GRM8: variants seen among roughly 807,000 people sequenced by gnomAD.
The protein encoded by GRM8 is glutamate metabotropic receptor 8.
Under a neutral mutation model 87.2 loss-of-function variants are expected in GRM8, and 47 were observed. The ratio of observed to expected loss-of-function variants is 0.54; its 90% CI spans 0.43 to 0.69. The LOEUF (loss-of-function observed/expected upper bound fraction) is 0.69. GRM8 is among the 30% of genes least tolerant of loss of function. GRM8 has a pLI of 0.00. For missense variants in GRM8, 1,019 were observed against 1,139.2 expected (o/e 0.89, Z 1.52); for synonymous variants, 396 against 404.5 (o/e 0.98, Z 0.25).
chr7:127,201,864 GA>G (rs1795629383), intron 2 of GRM8, among the ~76,000 whole-genome samples: 1 of 152,150 alleles, frequency 6.6e-6, no homozygotes, highest in Non-Finnish European at 1.5e-5. Context: ...GAATAAGTGG[GA>G]AAAACCATTG....
At chr7:126,944,500 C>T (rs1807316915) in intron 3 of GRM8, among the ~76,000 whole-genome samples, 1 of 152,114 alleles carries the variant, frequency 6.6e-6, no homozygotes, top group South Asian at 2.1e-4. Flanking sequence ...GGGGCTGAAG[C>T]AAAGCTTAGT....
At chr7:126,505,388 G>A (rs1378178593) in intron 9 of GRM8, among the ~76,000 whole-genome samples, 2 of 151,882 alleles carry the variant, frequency 1.3e-5, no homozygotes, top group Non-Finnish European at 2.9e-5. Flanking sequence ...TAAGTGTTTT[G>A]CCCCCATTTA....
Position 126,532,996 on chromosome 7 carries a change from C to A in GRM8, c.2386G>T (p.Ala796Ser). Residue 796 changes from alanine (A) to serine (S), a missense_variant, in exon 9 of 11, where the codon GCT becomes TCT. Coordinates refer to ENST00000339582, the MANE Select transcript of GRM8 (RefSeq NM_000845.3). ...TMYTTCIIWL[A>S]FIPIFFGTAQ... Reference sequence around the variant, plus strand: ...GTACCAAAAAAGATGGGGATGAAAGCTAACCAAATGATGCAGGTGGTATAC... The same window carrying A: ...GTACCAAAAAAGATGGGGATGAAAGATAACCAAATGATGCAGGTGGTATAC... The A allele has an allele frequency of 6.2e-7, 1 of 1,613,220 alleles. No individual in the cohort carries two copies. The highest frequency in any genetic ancestry group is 8.5e-7 in the Non-Finnish European group (1 of 1,179,668).
chr7:127,120,009 C>T, intron 2 of GRM8, among the ~76,000 whole-genome samples: 1 of 152,152 alleles, frequency 6.6e-6, no homozygotes. Flanking sequence ...CTTAAGTGTC[C>T]AACAGGTATC....
At chr7:126,661,665 A>T (rs1307617264) in intron 7 of GRM8, among the ~76,000 whole-genome samples, 1 of 152,150 alleles carries the variant, frequency 6.6e-6, no homozygotes, top group East Asian at 1.9e-4. Flanking sequence ...ACTGTCGCAA[A>T]TGGGCTGTGG....
At chr7:126,595,334 G>A (rs1244924803) in intron 8 of GRM8, among the ~76,000 whole-genome samples, 1 of 150,992 alleles carries the variant, frequency 6.6e-6, no homozygotes, top group African/African-American at 2.4e-5. Flanking sequence ...CCAGTAGCTG[G>A]GACTACAGGC....
At chr7:126,777,725 A>C (rs1356314343) in intron 6 of GRM8, among the ~76,000 whole-genome samples, 1 of 152,208 alleles carries the variant, frequency 6.6e-6, no homozygotes, top group African/African-American at 2.4e-5. Flanking sequence ...GCCAATACTT[A>C]TATTGAACTA....
chr7:126,459,336 G>A (rs1285556903), intron 9 of GRM8, among the ~76,000 whole-genome samples: 1 of 151,222 alleles, frequency 6.6e-6, no homozygotes, highest in East Asian at 2.0e-4. Context: ...GGTAGTACGT[G>A]ACTGACAGAA....
intron 8 of GRM8, among the ~76,000 whole-genome samples, chr7:126,582,091 T>G (rs1207897744): frequency 6.6e-6 from 1 of 152,174 alleles, no homozygotes; most frequent in Non-Finnish European, 1.5e-5. Flanking sequence ...GGAAGGTATA[T>G]CAAAAGCTGA....
chr7:127,097,909 C>G (rs1280327489), intron 3 of GRM8, among the ~76,000 whole-genome samples: 1 of 152,206 alleles, frequency 6.6e-6, no homozygotes, highest in Admixed American at 6.5e-5. Context: ...ATGCTGTTTG[C>G]TGTTTCATAT....
intron 9 of GRM8, among the ~76,000 whole-genome samples, chr7:126,505,406 C>G (rs1223424150): frequency 1.3e-5 from 2 of 152,026 alleles, no homozygotes; most frequent in Non-Finnish European, 2.9e-5. Flanking sequence ...TTACACATCC[C>G]CAATCTAAAA....
chr7:126,678,444 G>T (rs947137333), intron 7 of GRM8, among the ~76,000 whole-genome samples: 1 of 152,198 alleles, frequency 6.6e-6, no homozygotes, highest in Non-Finnish European at 1.5e-5. Flanking sequence ...TGTTATATTT[G>T]TGTGAAGTTG....
At chr7:127,076,347 C>A (rs1204273463) in intron 3 of GRM8, 1 of 358,920 alleles carries the variant, frequency 2.8e-6, no homozygotes, top group Admixed American at 3.5e-5. Flanking sequence ...GAGAGCACAG[C>A]AAACACTCAG....
chr7:126,701,589 C>T (rs1335458169), intron 7 of GRM8, among the ~76,000 whole-genome samples: 1 of 152,128 alleles, frequency 6.6e-6, no homozygotes. Context: ...CTTAAAATGA[C>T]ATTGGAAAAC....
At chr7:127,178,974 C>G (rs983971321) in intron 2 of GRM8, among the ~76,000 whole-genome samples, 3 of 152,062 alleles carry the variant, frequency 2.0e-5, no homozygotes, top group African/African-American at 7.2e-5. Flanking sequence ...AGCATACAGG[C>G]AATAAAGAGC....
In GRM8 at chr7:126,439,548, C is replaced by G. The variant is rs951076767; in HGVS notation, c.2678-380G>C. Among the ~76,000 whole-genome samples the G allele has an allele frequency of 1.2e-4, 19 of 152,244 alleles. 2 individuals carry two copies. The South Asian group carries it at 2.5e-3, about 20-fold the overall frequency. ...ATACAATTATATACAGTACATAGTA[C>G]TTGATAATGATAACAAATGACTATG... is the stretch of plus-strand genomic sequence containing the variant. On this transcript the variant is annotated intron_variant, in intron 10 of 10. Coordinates refer to ENST00000339582, the MANE Select transcript of GRM8 (RefSeq NM_000845.3).
At chr7:127,084,671 T>G (rs527876292) in intron 3 of GRM8, 13 of 152,124 alleles carry the variant, frequency 8.5e-5, no homozygotes, top group Non-Finnish European at 1.8e-4. Flanking sequence ...AGGGAGACAG[T>G]GATTCTAAGC....
At chr7:126,496,975 T>TTC (rs1051737245) in intron 9 of GRM8, among the ~76,000 whole-genome samples, 1 of 151,614 alleles carries the variant, frequency 6.6e-6, no homozygotes, top group Non-Finnish European at 1.5e-5. Flanking sequence ...TTTGGATTTT[T>TTC]TTTTTTTTTT....
chr7:126,761,052 A>G (rs1817536091), intron 7 of GRM8, among the ~76,000 whole-genome samples: 1 of 152,108 alleles, frequency 6.6e-6, no homozygotes. Context: ...AAAAAAAATT[A>G]GCCGGCTTGG....
Sources: allele counts gnomAD v4.1 joint callset (sites outside exome capture counted in the v4.1 genomes callset), GRCh38; gene constraint gnomAD v4.1.1; transcripts MANE v1.5; gene names NCBI Gene and HGNC (gene_info 2026-07-23, HGNC 2026-07-21).